Variants in STX8 observed in about 807,000 individuals in gnomAD.
STX8 encodes syntaxin 8.
In STX8, 23 loss-of-function variants were observed where a neutral mutation model predicts 37.5. The ratio of observed to expected loss-of-function variants is 0.61; its 90% CI spans 0.44 to 0.87. The LOEUF (loss-of-function observed/expected upper bound fraction) is 0.87, where lower values mean the gene tolerates loss of function less well. Among genes scored for constraint, STX8 ranks in the 40% least tolerant of loss-of-function variants. The probability of loss-of-function intolerance (pLI) is 0.00; values close to 1 mark genes in which losing one functional copy is unlikely to be tolerated. For missense variants in STX8, 313 were observed against 284.7 expected, an observed-to-expected ratio of 1.10 and a Z score of -0.71; for synonymous variants, 115 against 99.1, an observed-to-expected ratio of 1.16 and a Z score of -0.95.
In STX8 at chr17:9,522,889, TAC is replaced by T. The variant is rs530682107; in HGVS notation, c.324-17729_324-17728del. Among the ~76,000 whole-genome samples, 58 of 152,254 alleles carry T rather than the reference TAC, an allele frequency of 3.8e-4. 1 individual carries two copies. In the East Asian group the frequency reaches 0.01, roughly 27 times the overall value. ...AAGGTGAATACAGCAAATGATAATT[TAC>T]AGTTTTTTGAATAGCTAGAAGAGAG... On this transcript the variant is annotated intron_variant, in intron 4 of 7. Transcript: ENST00000306357.
At chr17:9,527,536 G>C (rs2142536255) in intron 4 of STX8, among the ~76,000 whole-genome samples, 1 of 152,318 alleles carries the variant, frequency 6.6e-6, no homozygotes, top group Middle Eastern at 3.4e-3. Flanking sequence ...AGAAACTGGA[G>C]TTTTCCTTCT....
chr17:9,301,319 C>T (rs1464875024), intron 7 of STX8, among the ~76,000 whole-genome samples: 2 of 151,934 alleles, frequency 1.3e-5, no homozygotes, highest in African/African-American at 2.4e-5. Context: ...TATTAAATGC[C>T]TTTTTAGTAT....
At chr17:9,468,847 T>TCGTCAAAGCCAGC (rs1296573649) in intron 6 of STX8, among the ~76,000 whole-genome samples, 1 of 152,172 alleles carries the variant, frequency 6.6e-6, no homozygotes, top group African/African-American at 2.4e-5. Flanking sequence ...CAGGGGGCTG[T>TCGTCAAAGCCAGC]CGTCAAAGCC....
intron 4 of STX8, among the ~76,000 whole-genome samples, chr17:9,536,036 AT>A (rs1906037646): frequency 6.6e-6 from 1 of 152,130 alleles, no homozygotes; most frequent in Admixed American, 6.5e-5. Context: ...ATATATTCCT[AT>A]TTGCTGGTAT....
intron 7 of STX8, among the ~76,000 whole-genome samples, chr17:9,298,324 C>T (rs553410453): frequency 4.1e-4 from 62 of 152,238 alleles, no homozygotes; most frequent in Non-Finnish European, 7.2e-4. Context: ...TGTACTTTGG[C>T]CAGCCCAGCC....
intron 7 of STX8, among the ~76,000 whole-genome samples, chr17:9,358,046 T>C (rs1910942520): frequency 2.0e-5 from 3 of 152,088 alleles, no homozygotes; most frequent in Non-Finnish European, 2.9e-5. Flanking sequence ...TGAAACCAAG[T>C]TGGGAGAAGG....
chr17:9,556,750 AATATATATATATATATATATATATATAT>A (rs575240217), intron 3 of STX8: 3 of 99,548 alleles, frequency 3.0e-5, no homozygotes, highest in African/African-American at 8.6e-5. Context: ...GAATTTCTAA[AATATATATATATATATATATATATATAT>A]ATATATATAT....
At position 9,394,968 on chromosome 17, in the gene STX8, C is replaced by T. The variant is rs1471989328; in HGVS notation, c.542-16315G>A. Among the ~76,000 whole-genome samples, 17 of 150,596 alleles carry T rather than the reference C, an allele frequency of 1.1e-4. No homozygotes were observed. The South Asian group carries it at 3.0e-3, about 26-fold the overall frequency. On this transcript the variant is annotated intron_variant, in intron 6 of 7. Transcript: ENST00000306357. Reference sequence around the variant, plus strand: ...GGCGGGCGCCGTAATCCCAACTACTCGGCAGGCTGAGGTAGGAGAATCACT... The same window carrying T: ...GGCGGGCGCCGTAATCCCAACTACTTGGCAGGCTGAGGTAGGAGAATCACT...
At chr17:9,324,915 G>A (rs1229570483) in intron 7 of STX8, among the ~76,000 whole-genome samples, 2 of 152,150 alleles carry the variant, frequency 1.3e-5, no homozygotes, top group Non-Finnish European at 2.9e-5. Flanking sequence ...ATGATGCAAA[G>A]GCAATATGCA....
chr17:9,311,685 G>A (rs1433447084), intron 7 of STX8, among the ~76,000 whole-genome samples: 1 of 152,138 alleles, frequency 6.6e-6, no homozygotes. Context: ...GTAAATCACT[G>A]AACCTTTCTG....
At chr17:9,530,064 T>C (rs1905751626) in intron 4 of STX8, among the ~76,000 whole-genome samples, 1 of 152,054 alleles carries the variant, frequency 6.6e-6, no homozygotes, top group Non-Finnish European at 1.5e-5. Context: ...TCCCAGCACT[T>C]TGGGAGGCTA....
At chr17:9,493,582 C>T (rs1014076856) in intron 5 of STX8, among the ~76,000 whole-genome samples, 3 of 152,202 alleles carry the variant, frequency 2.0e-5, no homozygotes, top group African/African-American at 7.2e-5. Flanking sequence ...GACAGCAGGG[C>T]ACCACGGGGG....
intron 7 of STX8, among the ~76,000 whole-genome samples, chr17:9,268,061 C>A (rs1387260078): frequency 6.6e-6 from 1 of 151,376 alleles, no homozygotes; most frequent in Non-Finnish European, 1.5e-5. Flanking sequence ...GATTTGTTCT[C>A]ACGGAAGGGA....
chr17:9,281,548 T>C (rs1246818435), intron 7 of STX8, among the ~76,000 whole-genome samples: 1 of 152,008 alleles, frequency 6.6e-6, no homozygotes, highest in Non-Finnish European at 1.5e-5. Context: ...ACAGGGGAAA[T>C]TTTCCTGTTT....
intron 4 of STX8, among the ~76,000 whole-genome samples, chr17:9,536,963 G>A (rs1906084628): frequency 2.0e-5 from 3 of 151,986 alleles, no homozygotes; most frequent in Non-Finnish European, 4.4e-5. Context: ...GGCCAGGCTG[G>A]TCTCAAACCC....
intron 7 of STX8, among the ~76,000 whole-genome samples, chr17:9,295,806 AGGCC>A (rs1908502802): frequency 3.3e-5 from 4 of 123,046 alleles, no homozygotes; most frequent in African/African-American, 1.0e-4. Flanking sequence ...GCACTTTGGG[AGGCC>A]AAGACAGGTG....
At chr17:9,329,012 T>C (rs1396516922) in intron 7 of STX8, among the ~76,000 whole-genome samples, 3 of 122,274 alleles carry the variant, frequency 2.5e-5, no homozygotes, top group African/African-American at 6.3e-5. Context: ...ATCGCGCCAC[T>C]GCACTTGAGC....
intron 6 of STX8, among the ~76,000 whole-genome samples, chr17:9,476,969 C>T (rs1023390538): frequency 1.3e-5 from 2 of 152,098 alleles, no homozygotes; most frequent in African/African-American, 2.4e-5. Flanking sequence ...CCTCAGCCTC[C>T]TGAGTAGCTG....
intron 7 of STX8, among the ~76,000 whole-genome samples, chr17:9,288,387 C>T (rs548151857): frequency 6.6e-5 from 10 of 152,028 alleles, no homozygotes; most frequent in South Asian, 2.1e-4. Flanking sequence ...ATGGGCCGGG[C>T]GCGGTGGCTC....
Sources: allele counts gnomAD v4.1 joint callset (sites outside exome capture counted in the v4.1 genomes callset), GRCh38; gene constraint gnomAD v4.1.1; transcripts MANE v1.5; gene names NCBI Gene and HGNC (gene_info 2026-07-23, HGNC 2026-07-21).